ROBO1: variants seen among roughly 807,000 people sequenced by gnomAD.
The protein encoded by ROBO1 is roundabout guidance receptor 1.
A neutral mutation model predicts 195.9 loss-of-function variants in ROBO1; 149 were observed. The observed-to-expected ratio is 0.76, with a 90% CI of 0.67 to 0.87. ROBO1 has a LOEUF of 0.87. Ranked by LOEUF, ROBO1 falls within the 40% of genes least tolerant of loss-of-function variation. The probability of loss-of-function intolerance (pLI) is 0.00; values close to 1 mark genes in which losing one functional copy is unlikely to be tolerated. For missense variants in ROBO1, 1,933 were observed against 2,068.3 expected (o/e 0.93, Z 1.27); for synonymous variants, 816 against 733.2 (o/e 1.11, Z -1.82).
intron 4 of ROBO1, among the ~76,000 whole-genome samples, chr3:78,904,707 T>C (rs531957208): frequency 6.0e-5 from 9 of 150,062 alleles, no homozygotes; most frequent in Non-Finnish European, 1.2e-4. Context: ...TATATATGTA[T>C]ATATATATGT....
intron 3 of ROBO1, among the ~76,000 whole-genome samples, chr3:79,112,874 T>C (rs760436180): frequency 1.3e-5 from 2 of 152,028 alleles, no homozygotes; most frequent in Non-Finnish European, 2.9e-5. Flanking sequence ...GTAACTAACC[T>C]GCACGTTGTG....
chr3:78,645,915 A>G (rs1480138024), intron 21 of ROBO1, among the ~76,000 whole-genome samples: 1 of 152,072 alleles, frequency 6.6e-6, no homozygotes, highest in Non-Finnish European at 1.5e-5. Context: ...TCTCTTTCTC[A>G]GTTAAAGTCC....
chr3:79,646,500 T>G (rs1417860976), intron 1 of ROBO1, among the ~76,000 whole-genome samples: 3 of 152,086 alleles, frequency 2.0e-5, no homozygotes, highest in African/African-American at 4.8e-5. Flanking sequence ...TGTATGTAAA[T>G]TATTCAAAAA....
At position 78,834,636 on chromosome 3, in the gene ROBO1, AAT is replaced by A. The variant is rs1464698516; in HGVS notation, c.500-87738_500-87737del. Among the ~76,000 whole-genome samples the A allele has an allele frequency of 2.0e-5, 3 of 152,004 alleles. No individual in the cohort carries two copies. In the East Asian group the frequency reaches 5.8e-4, roughly 29 times the overall value. ...TGGAGACAAGCTAATTTCTTTGAAA[AAT>A]ATAAACCAAGTTTAAAAGACAAATA... On this transcript the variant is annotated intron_variant, in intron 4 of 30. Transcript: ENST00000464233.
chr3:78,703,345 T>C (rs142443363), intron 8 of ROBO1, among the ~76,000 whole-genome samples: 281 of 152,268 alleles, frequency 1.8e-3, no homozygotes, highest in African/African-American at 6.4e-3. Context: ...GAGAGGGAGT[T>C]ATTCTCACAA....
At chr3:78,886,496 A>C (rs2036579797) in intron 4 of ROBO1, among the ~76,000 whole-genome samples, 1 of 152,132 alleles carries the variant, frequency 6.6e-6, no homozygotes, top group African/African-American at 2.4e-5. Context: ...CAGGTGGCTG[A>C]GGCAGGAGAA....
At chr3:79,311,895 A>C (rs1245400972) in intron 2 of ROBO1, among the ~76,000 whole-genome samples, 2 of 152,280 alleles carry the variant, frequency 1.3e-5, no homozygotes, top group Admixed American at 6.5e-5. Flanking sequence ...TGTGGTTTAA[A>C]AAAAGCCACC....
chr3:79,689,383 T>C (rs543503754), intron 1 of ROBO1, among the ~76,000 whole-genome samples: 26 of 152,154 alleles, frequency 1.7e-4, no homozygotes, highest in Admixed American at 1.1e-3. Flanking sequence ...CCAAAATACA[T>C]CTTATGTTTT....
intron 4 of ROBO1, among the ~76,000 whole-genome samples, chr3:78,894,080 A>G (rs1467991229): frequency 6.6e-6 from 1 of 152,218 alleles, no homozygotes; most frequent in African/African-American, 2.4e-5. Context: ...GCTGAAAATG[A>G]AAAGAATTTA....
chr3:79,729,898 G>A (rs1413455008), intron 1 of ROBO1, among the ~76,000 whole-genome samples: 1 of 152,072 alleles, frequency 6.6e-6, no homozygotes, highest in Non-Finnish European at 1.5e-5. Flanking sequence ...TTAATAAAGT[G>A]GCAGTACCTC....
chr3:79,003,255 A>T (rs1029103534), intron 3 of ROBO1, among the ~76,000 whole-genome samples: 9 of 152,180 alleles, frequency 5.9e-5, no homozygotes, highest in Non-Finnish European at 1.2e-4. Flanking sequence ...TTTCCTTGAC[A>T]ATGCTCATGC....
chr3:78,598,712 C>T lies in ROBO1; in HGVS notation c.*201G>A. ...TCCAACAGCGAGGGGAATAGGAAGG[C>T]TCTTTGTAGGGTTAGGGATCAAACA... On this transcript the variant is annotated 3_prime_UTR_variant, in exon 31 of 31. Transcript: ENST00000464233. 2.5e-6 allele frequency: 1 copy of T among 398,548 alleles called. No individual in the cohort carries two copies. Among genetic ancestry groups the T allele is most frequent in the South Asian group, 7.8e-5 (1 of 12,792 alleles). The allele number at this position is 398,548 out of a possible 1,614,324, so 24.7% of individuals were successfully genotyped here.
At chr3:79,319,506 G>T (rs1211653358) in intron 2 of ROBO1, among the ~76,000 whole-genome samples, 1 of 151,976 alleles carries the variant, frequency 6.6e-6, no homozygotes, top group Non-Finnish European at 1.5e-5. Context: ...CATTTAATAA[G>T]ATTCTTGTGT....
At position 79,255,805 on chromosome 3, in the gene ROBO1, C is replaced by T. The variant is rs577719561; in HGVS notation, c.89-130266G>A. On this transcript the variant is annotated intron_variant, in intron 2 of 30. Coordinates refer to ENST00000464233, the MANE Select transcript of ROBO1 (RefSeq NM_002941.4). ...CCACTTCTCATCTCCCCCTCCACCA[C>T]ACTGACAGCAGGAAGAAGTGCATTG... Among the ~76,000 whole-genome samples, 20 of 152,250 alleles carry T rather than the reference C, an allele frequency of 1.3e-4. No individual in the cohort carries two copies. The East Asian group carries it at 3.7e-3, about 28-fold the overall frequency.
At chr3:78,700,533 A>G (rs1222343581) in intron 8 of ROBO1, among the ~76,000 whole-genome samples, 1 of 152,216 alleles carries the variant, frequency 6.6e-6, no homozygotes, top group Non-Finnish European at 1.5e-5. Flanking sequence ...GTGATCCTGC[A>G]TAAATTACAT....
intron 3 of ROBO1, among the ~76,000 whole-genome samples, chr3:78,987,551 T>C (rs2077138848): frequency 6.6e-6 from 1 of 152,156 alleles, no homozygotes; most frequent in South Asian, 2.1e-4. Context: ...AAAACATTTA[T>C]AGTTTTAAAA....
chr3:79,117,671 C>T (rs904191652), intron 3 of ROBO1, among the ~76,000 whole-genome samples: 12 of 152,192 alleles, frequency 7.9e-5, no homozygotes, highest in African/African-American at 2.9e-4. Flanking sequence ...CAATACCAAC[C>T]TGTAGCTGAC....
intron 2 of ROBO1, among the ~76,000 whole-genome samples, chr3:79,347,390 A>C (rs1025922506): frequency 2.0e-5 from 3 of 152,188 alleles, no homozygotes; most frequent in Non-Finnish European, 4.4e-5. Flanking sequence ...GTTGGACTGA[A>C]AATATTTCTG....
intron 3 of ROBO1, among the ~76,000 whole-genome samples, chr3:78,952,844 C>T (rs1249471602): frequency 6.6e-6 from 1 of 152,012 alleles, no homozygotes. Context: ...TGATTATAAA[C>T]TTCTACCTAA....
Sources: gnomAD v4.1 joint callset for allele counts (sites outside exome capture counted in the v4.1 genomes callset) on GRCh38, gnomAD v4.1.1 for gene constraint, MANE v1.5 for transcripts, NCBI Gene and HGNC (gene_info 2026-07-23, HGNC 2026-07-21) for gene names.